Variants in NEK10 observed in about 807,000 individuals in gnomAD.
NEK10 encodes the protein NIMA related kinase 10.
A neutral mutation model predicts 159.8 loss-of-function variants in NEK10; 122 were observed. The ratio of observed to expected loss-of-function variants is 0.76; its 90% CI spans 0.66 to 0.89. NEK10 has a LOEUF of 0.89. Ranked by LOEUF, NEK10 falls within the 40% of genes least tolerant of loss-of-function variation. NEK10 has a pLI of 0.00. For missense variants in NEK10, 1,342 were observed against 1,323.1 expected (o/e 1.01, Z -0.22); for synonymous variants, 466 against 457.1 (o/e 1.02, Z -0.25).
chr3:27,192,065 G>A lies in NEK10; in HGVS notation c.2469C>T (p.Thr823=), dbSNP rs55664725. ...QRYFMEANRN[T]VTCHHELAVL... Reference sequence around the variant, plus strand: ...CAGCCAGCTCATGGTGACATGTGACGGTGTTCCGGTTGGCTTCCATAAAAT... The same window carrying A: ...CAGCCAGCTCATGGTGACATGTGACAGTGTTCCGGTTGGCTTCCATAAAAT... Residue 823 remains threonine, a synonymous_variant, in exon 26 of 36, where the codon ACC becomes ACT. Coordinates refer to ENST00000691995, the MANE Select transcript of NEK10 (RefSeq NM_001394966.1). 3.4e-4 allele frequency: 544 copies of A among 1,614,152 alleles called. 2 individuals are homozygous for A. The African/African-American group carries it at 4.9e-3, about 14-fold the overall frequency.
At chr3:27,186,470 A>G (rs1948632849) in intron 26 of NEK10, among the ~76,000 whole-genome samples, 1 of 152,198 alleles carries the variant, frequency 6.6e-6, no homozygotes, top group Non-Finnish European at 1.5e-5. Flanking sequence ...ATGAAAGAGC[A>G]AGTGCAAGCC....
At chr3:27,122,329 T>C (rs1298360462) in intron 32 of NEK10, among the ~76,000 whole-genome samples, 1 of 152,124 alleles carries the variant, frequency 6.6e-6, no homozygotes, top group Non-Finnish European at 1.5e-5. Flanking sequence ...GAACTGTGAG[T>C]CAATTAAGCC....
At chr3:27,321,252 A>G (rs947913136) in intron 6 of NEK10, among the ~76,000 whole-genome samples, 2 of 152,216 alleles carry the variant, frequency 1.3e-5, no homozygotes, top group Non-Finnish European at 2.9e-5. Context: ...TGGGCCATGA[A>G]CTAGTAGCAA....
chr3:27,206,117 T>C lies in NEK10; in HGVS notation c.2091-3560A>G, dbSNP rs1435986621. On this transcript the variant is annotated intron_variant, in intron 23 of 35. Coordinates refer to ENST00000691995, the MANE Select transcript of NEK10 (RefSeq NM_001394966.1). ...ACCTACCACAGGCCACATTTTCTAA[T>C]ACCATCACGTTGCAGATTAGGATTT... 2.6e-5 allele frequency among the ~76,000 whole-genome samples: 4 copies of C among 152,354 alleles called. No individual in the cohort carries two copies. In the East Asian group the frequency reaches 5.8e-4, roughly 22 times the overall value.
chr3:27,279,437 C>T (rs577993914), intron 22 of NEK10, among the ~76,000 whole-genome samples: 3 of 152,280 alleles, frequency 2.0e-5, no homozygotes, highest in East Asian at 1.9e-4. Flanking sequence ...ATTGCAGCTG[C>T]ATTCCACTTC....
intron 31 of NEK10, among the ~76,000 whole-genome samples, chr3:27,140,041 T>C (rs1487035468): frequency 6.6e-6 from 1 of 152,126 alleles, no homozygotes; most frequent in African/African-American, 2.4e-5. Context: ...TGAGAGCATC[T>C]TCCATAAAGG....
chr3:27,202,385 T>G (rs771945199), intron 24 of NEK10, 43 bp downstream of exon 24: 1 of 1,549,716 alleles, frequency 6.5e-7, no homozygotes. Context: ...AAGAATTGCA[T>G]TTTTAGCTAC....
At chr3:27,367,014 G>A (rs2049143709) in intron 1 of NEK10, among the ~76,000 whole-genome samples, 2 of 151,544 alleles carry the variant, frequency 1.3e-5, no homozygotes, top group Admixed American at 1.3e-4. Context: ...TTCACCATGT[G>A]GGCCAGGCTG....
chr3:27,201,164 C>T (rs895314412), intron 25 of NEK10, among the ~76,000 whole-genome samples: 1 of 152,060 alleles, frequency 6.6e-6, no homozygotes, highest in African/African-American at 2.4e-5. Flanking sequence ...CTTGTCTGGC[C>T]TTTTTCCAAT....
In NEK10 at chr3:27,119,765, G is replaced by C; in HGVS notation, c.3185C>G (p.Pro1062Arg). ...SGGNSLSPND[P>R]TGLPTSIELE... ...CCCATGTTGATCACTATTACCTGTAGGGTCATTTGGGGACAGGCTGTTTCC... is the reference window on the plus strand; with the variant it reads ...CCCATGTTGATCACTATTACCTGTACGGTCATTTGGGGACAGGCTGTTTCC... Residue 1062 changes from proline to arginine, a missense_variant, in exon 33 of 36, where the codon CCT becomes CGT. Physicochemically the swap from Pro to Arg is moderately radical, Grantham distance 103 (BLOSUM62 -2). Coordinates refer to ENST00000691995, the MANE Select transcript of NEK10 (RefSeq NM_001394966.1). 6.2e-7 allele frequency: 1 copy of C among 1,611,674 alleles called. No individual in the cohort carries two copies. The highest frequency in any genetic ancestry group is 1.1e-5 in the South Asian group (1 of 91,038).
chr3:27,288,416 C>A (rs569589542), intron 19 of NEK10, among the ~76,000 whole-genome samples: 1 of 152,056 alleles, frequency 6.6e-6, no homozygotes, highest in African/African-American at 2.4e-5. Flanking sequence ...AATTTCCCAC[C>A]CTTGACATCC....
intron 29 of NEK10, among the ~76,000 whole-genome samples, chr3:27,169,652 C>T (rs543274124): frequency 3.3e-5 from 5 of 152,314 alleles, no homozygotes; most frequent in East Asian, 1.9e-4. Flanking sequence ...TAGAAACCTT[C>T]GTTTGTCACC....
intron 1 of NEK10, among the ~76,000 whole-genome samples, chr3:27,368,819 G>A (rs1308389889): frequency 6.6e-6 from 1 of 152,168 alleles, no homozygotes; most frequent in Non-Finnish European, 1.5e-5. Context: ...CAGAAAAGCA[G>A]AGGGGCAAAG....
At chr3:27,333,030 T>C (rs1267772366) in intron 5 of NEK10, among the ~76,000 whole-genome samples, 3 of 152,198 alleles carry the variant, frequency 2.0e-5, no homozygotes, top group African/African-American at 7.2e-5. Context: ...AGTGAGTAGA[T>C]AATTATGCTT....
intron 30 of NEK10, among the ~76,000 whole-genome samples, chr3:27,150,915 C>A (rs1010373674): frequency 6.6e-6 from 1 of 152,102 alleles, no homozygotes; most frequent in African/African-American, 2.4e-5. Context: ...AACTAGGAAT[C>A]CTGAGAGGAT....
At chr3:27,341,843 C>T (rs1320264118) in intron 5 of NEK10, among the ~76,000 whole-genome samples, 1 of 152,064 alleles carries the variant, frequency 6.6e-6, no homozygotes, top group East Asian at 1.9e-4. Flanking sequence ...TGAAAGGGGT[C>T]ACACTTCACA....
chr3:27,148,736 T>A (rs2148726892), intron 30 of NEK10, among the ~76,000 whole-genome samples: 1 of 152,278 alleles, frequency 6.6e-6, no homozygotes, highest in East Asian at 1.9e-4. Context: ...CTGACCTACC[T>A]CCCTTTACTC....
rs956452417 is a variant in NEK10 at position 27,303,666 on chromosome 3, T to C, written c.1028+1081A>G. On this transcript the variant is annotated intron_variant, in intron 12 of 35. Coordinates refer to ENST00000691995, the MANE Select transcript of NEK10 (RefSeq NM_001394966.1). ...TTGTTTAGGTAATGACAAATATTGT[T>C]AACAAAGCTACTGTTCATGTCTGTA... is the stretch of plus-strand genomic sequence containing the variant. Among the ~76,000 whole-genome samples the C allele has an allele frequency of 2.0e-5, 3 of 152,234 alleles. No individual in the cohort carries two copies. The South Asian group carries it at 6.2e-4, about 31-fold the overall frequency.
intron 6 of NEK10, among the ~76,000 whole-genome samples, chr3:27,321,640 C>T (rs997911088): frequency 6.6e-6 from 1 of 152,118 alleles, no homozygotes; most frequent in African/African-American, 2.4e-5. Context: ...AGCCACCATG[C>T]CCAACCAGGA....
Sources: allele counts gnomAD v4.1 joint callset (sites outside exome capture counted in the v4.1 genomes callset), GRCh38; gene constraint gnomAD v4.1.1; transcripts MANE v1.5; gene names NCBI Gene and HGNC (gene_info 2026-07-23, HGNC 2026-07-21).